RNLS: variants seen among roughly 807,000 people sequenced by gnomAD.
RNLS encodes renalase, FAD dependent amine oxidase.
In RNLS, 39 loss-of-function variants were observed where a neutral mutation model predicts 39.8. The ratio of observed to expected loss-of-function variants is 0.98; its 90% CI spans 0.76 to 1.28. RNLS has a LOEUF of 1.28. Ranked by LOEUF, RNLS falls within the 50% of genes most tolerant of loss-of-function variation. The pLI is 0.00. For synonymous variants in RNLS, 147 were observed against 150.7 expected (o/e 0.98, Z 0.18); for missense variants, 410 against 413.3 (o/e 0.99, Z 0.07).
intron 4 of RNLS, among the ~76,000 whole-genome samples, chr10:88,388,396 T>C (rs1851994798): frequency 6.6e-6 from 1 of 152,238 alleles, no homozygotes; most frequent in African/African-American, 2.4e-5. Flanking sequence ...CTCTGGACTA[T>C]GCCATCCTGC....
intron 4 of RNLS, among the ~76,000 whole-genome samples, chr10:88,557,389 T>C (rs1386914885): frequency 6.6e-6 from 1 of 152,146 alleles, no homozygotes; most frequent in African/African-American, 2.4e-5. Flanking sequence ...TTTCTCTCAT[T>C]ATTTTCTAGA....
At chr10:88,322,104 T>C (rs1258381232) in intron 5 of RNLS, among the ~76,000 whole-genome samples, 1 of 152,194 alleles carries the variant, frequency 6.6e-6, no homozygotes, top group Non-Finnish European at 1.5e-5. Flanking sequence ...TTCATCGTGA[T>C]CAAGTGGGTT....
the RNLS span, among the ~76,000 whole-genome samples, chr10:88,250,808 CA>C: frequency 6.6e-6 from 1 of 152,182 alleles, no homozygotes; most frequent in South Asian, 2.1e-4. Context: ...ACTCAAACTT[CA>C]ATAGCTTGAG....
intron 5 of RNLS, among the ~76,000 whole-genome samples, chr10:88,348,661 T>C (rs1848475181): frequency 1.3e-5 from 2 of 152,200 alleles, no homozygotes; most frequent in East Asian, 1.9e-4. Flanking sequence ...TATGCATCTA[T>C]TGAACTTTTT....
downstream of RNLS, among the ~76,000 whole-genome samples, chr10:88,270,071 C>T (rs773776167): frequency 2.0e-5 from 3 of 152,150 alleles, no homozygotes; most frequent in Non-Finnish European, 4.4e-5. Context: ...TGACAAAGCC[C>T]TGAGAAGAAG....
chr10:88,394,578 A>G (rs1352924773), intron 4 of RNLS, among the ~76,000 whole-genome samples: 1 of 152,190 alleles, frequency 6.6e-6, no homozygotes, highest in Non-Finnish European at 1.5e-5. Context: ...AAATAGGAAC[A>G]CTTTTACACT....
intron 4 of RNLS, among the ~76,000 whole-genome samples, chr10:88,559,576 A>ATGTTC (rs1849056775): frequency 6.6e-6 from 1 of 152,144 alleles, no homozygotes; most frequent in African/African-American, 2.4e-5. Context: ...TTCTATTTCA[A>ATGTTC]ACTTTATGAT....
intron 4 of RNLS, among the ~76,000 whole-genome samples, chr10:88,442,683 C>T (rs1224761264): frequency 1.3e-5 from 2 of 152,094 alleles, no homozygotes; most frequent in African/African-American, 2.4e-5. Flanking sequence ...TTACTTGCCC[C>T]TGAGGATTCT....
intron 4 of RNLS, among the ~76,000 whole-genome samples, chr10:88,478,038 C>T (rs1443804813): frequency 6.6e-6 from 1 of 152,196 alleles, no homozygotes; most frequent in African/African-American, 2.4e-5. Context: ...CTGGTAACTT[C>T]TTAAAAGTAA....
At chr10:88,579,338 G>A (rs1250931389) in intron 3 of RNLS, among the ~76,000 whole-genome samples, 1 of 152,134 alleles carries the variant, frequency 6.6e-6, no homozygotes, top group Non-Finnish European at 1.5e-5. Flanking sequence ...TTTCTTTATG[G>A]CCAGTTTTTA....
intron 4 of RNLS, among the ~76,000 whole-genome samples, chr10:88,384,397 T>C (rs959892824): frequency 2.6e-5 from 4 of 152,200 alleles, no homozygotes; most frequent in African/African-American, 9.6e-5. Flanking sequence ...ATAATTCCCA[T>C]TTTACACATG....
chr10:88,570,764 T>A, intron 4 of RNLS, among the ~76,000 whole-genome samples: 1 of 152,174 alleles, frequency 6.6e-6, no homozygotes, highest in Admixed American at 6.6e-5. Flanking sequence ...TGTTGCCAGC[T>A]AGGGCTTTTT....
At chr10:88,273,478 A>G (rs1162951756), downstream of RNLS, among the ~76,000 whole-genome samples, 2 of 152,300 alleles carry the variant, frequency 1.3e-5, no homozygotes, top group South Asian at 2.1e-4. Flanking sequence ...ATTATATCAC[A>G]AAAAATATCC....
chr10:88,232,501 C>T, the RNLS span, among the ~76,000 whole-genome samples: 1 of 152,132 alleles, frequency 6.6e-6, no homozygotes, highest in Non-Finnish European at 1.5e-5. Flanking sequence ...GGCTGAACTC[C>T]AACTCTTGGG....
the RNLS span, among the ~76,000 whole-genome samples, chr10:88,204,799 CCTTT>C: frequency 6.6e-6 from 1 of 152,042 alleles, no homozygotes; most frequent in Non-Finnish European, 1.5e-5. Context: ...TTTTCCCTTC[CCTTT>C]CTTCTTTCTT....
At chr10:88,204,900 C>T in the RNLS span, among the ~76,000 whole-genome samples, 1 of 152,138 alleles carries the variant, frequency 6.6e-6, no homozygotes, top group Non-Finnish European at 1.5e-5. Context: ...AAGACATGGT[C>T]CTTACCCTAA....
chr10:88,310,470 T>C (rs578190878), intron 6 of RNLS, among the ~76,000 whole-genome samples: 16 of 152,008 alleles, frequency 1.1e-4, no homozygotes, highest in African/African-American at 3.9e-4. Flanking sequence ...GTTTATAGCT[T>C]TCATTAGATC....
At chr10:88,199,244 A>G in the RNLS span, among the ~76,000 whole-genome samples, 10 of 152,188 alleles carry the variant, frequency 6.6e-5, no homozygotes, top group African/African-American at 2.4e-4. Context: ...CGGTGGAAAC[A>G]TCTAGATAGA....
At chr10:88,285,821 A>C (rs1843226491) in intron 6 of RNLS, among the ~76,000 whole-genome samples, 1 of 152,068 alleles carries the variant, frequency 6.6e-6, no homozygotes, top group South Asian at 2.1e-4. Flanking sequence ...TCCCCCTGAA[A>C]TTCATATGTT....
Sources: allele counts gnomAD v4.1 joint callset (sites outside exome capture counted in the v4.1 genomes callset), GRCh38; gene constraint gnomAD v4.1.1; transcripts MANE v1.5; gene names NCBI Gene and HGNC (gene_info 2026-07-23, HGNC 2026-07-21).